Variants in DOK4 observed in about 807,000 individuals in gnomAD.
The protein encoded by DOK4 is docking protein 4.
A neutral mutation model predicts 40.1 loss-of-function variants in DOK4; 26 were observed. The ratio of observed to expected loss-of-function variants is 0.65; its 90% CI spans 0.48 to 0.90. DOK4 has a LOEUF of 0.90. DOK4 is among the 40% of genes least tolerant of loss of function. The probability of loss-of-function intolerance (pLI) is 0.00; values close to 1 mark genes in which losing one functional copy is unlikely to be tolerated. For synonymous variants in DOK4, 179 were observed against 177.0 expected (o/e 1.01, Z -0.09); for missense variants, 392 against 437.2 (o/e 0.90, Z 0.92).
chr16:57,474,276 T>C (rs964059048), intron 6 of DOK4, among the ~76,000 whole-genome samples: 1 of 152,226 alleles, frequency 6.6e-6, no homozygotes, highest in Admixed American at 6.5e-5. Flanking sequence ...CACCTCCCTC[T>C]GGTCTCTGTA....
At chr16:57,481,216 G>A (rs1257602816) in intron 1 of DOK4, among the ~76,000 whole-genome samples, 8 of 152,060 alleles carry the variant, frequency 5.3e-5, no homozygotes, top group African/African-American at 1.9e-4. Context: ...CTACCCCAGT[G>A]GGCACACGCA....
At chr16:57,476,031 C>A in intron 2 of DOK4, 74 bp from the exon 3 acceptor site, 1 of 1,313,636 alleles carries the variant, frequency 7.6e-7, no homozygotes, top group Non-Finnish European at 1.1e-6. Flanking sequence ...TGCAGCCACC[C>A]CTGCCTGCCA....
intron 6 of DOK4, among the ~76,000 whole-genome samples, chr16:57,474,495 A>AACCCAGACTCAG (rs1401752455): frequency 6.6e-6 from 1 of 152,164 alleles, no homozygotes; most frequent in Non-Finnish European, 1.5e-5. Flanking sequence ...TTATCCCCGA[A>AACCCAGACTCAG]ACCCAGACTC....
chr16:57,473,299 G>C, exon 9 of DOK4: 1 of 1,522,380 alleles, frequency 6.6e-7, no homozygotes, highest in Non-Finnish European at 8.8e-7. Context: ...ACAGCCCCCT[G>C]AGGCTGTCCA....
chr16:57,475,072 C>T (rs1429378217), intron 5 of DOK4, 28 bp downstream of exon 5: 1 of 1,608,836 alleles, frequency 6.2e-7, no homozygotes, highest in African/African-American at 1.3e-5. Context: ...TCCCCCTCCC[C>T]ACCCCCAGGG....
chr16:57,475,711 T>TC, intron 3 of DOK4, 91 bp from the exon 4 acceptor site: 1 of 365,320 alleles, frequency 2.7e-6, no homozygotes, highest in Non-Finnish European at 4.8e-6. Context: ...CCTCCCTCTC[T>TC]CCCCCCTCCT....
chr16:57,474,323 A>G (rs982675403), intron 6 of DOK4, among the ~76,000 whole-genome samples: 1 of 152,136 alleles, frequency 6.6e-6, no homozygotes, highest in Non-Finnish European at 1.5e-5. Flanking sequence ...CATTTTCCCA[A>G]ACCATTTTAT....
chr16:57,477,234 A>T (rs1045973765), intron 2 of DOK4, among the ~76,000 whole-genome samples: 4 of 152,036 alleles, frequency 2.6e-5, no homozygotes, highest in African/African-American at 9.7e-5. Flanking sequence ...CCATTTCAAG[A>T]TACCACTCAG....
intron 1 of DOK4, chr16:57,484,120 C>T (rs2031484178): frequency 6.6e-6 from 1 of 152,448 alleles, no homozygotes; most frequent in South Asian, 2.1e-4. Flanking sequence ...TGAGCACTCC[C>T]TCTCGCACAT....
intron 2 of DOK4, among the ~76,000 whole-genome samples, chr16:57,477,860 A>AG (rs1429598909): frequency 6.6e-6 from 1 of 152,134 alleles, no homozygotes; most frequent in Non-Finnish European, 1.5e-5. Flanking sequence ...CTGGCTTCAG[A>AG]GGGAAGAGAA....
rs745508207 is a variant in DOK4, at chr16:57,475,660, A to ATCTCTCTCTCTCTC, written c.175-54_175-41dup. On this transcript the variant is annotated intron_variant, in intron 3 of 8. Coordinates refer to ENST00000340099, the Ensembl canonical transcript of DOK4. ...ACAAGGGACTTAGCCAGGCCAGTGC[A>ATCTCTCTCTCTCTC]TCTCTCTCTCTCTCTCTCTCTCTCT... 5.6e-3 allele frequency: 2,660 copies of ATCTCTCTCTCTCTC among 475,186 alleles called. 40 individuals are homozygous for ATCTCTCTCTCTCTC. Among genetic ancestry groups the ATCTCTCTCTCTCTC allele is most frequent in the African/African-American group, 7.7e-3 (211 of 27,408 alleles). 29.4% of individuals were successfully genotyped at this position (475,186 alleles called of 1,614,324 possible). A position where few individuals can be genotyped will look rare whatever the true frequency, so the allele number is the denominator to read the frequency against.
chr16:57,475,278 C>T (rs1241047858), intron 4 of DOK4, 59 bp from the exon 5 acceptor site: 3 of 1,581,420 alleles, frequency 1.9e-6, no homozygotes, highest in Admixed American at 3.4e-5. Context: ...CCCCGTCTGC[C>T]CAGCCTGACT....
Position 57,475,959 on chromosome 16 carries a change from T to G in DOK4, c.67-2A>C. The G allele has an allele frequency of 6.2e-7, 1 of 1,611,522 alleles. No individual in the cohort carries two copies. The highest frequency in any genetic ancestry group is 8.5e-7 in the Non-Finnish European group (1 of 1,178,912). On this transcript the variant is annotated splice_acceptor_variant, in intron 2 of 8. Coordinates refer to ENST00000340099, the Ensembl canonical transcript of DOK4. LOFTEE classifies it high-confidence loss of function. ...CACCAGCCAGCACCTCCGGTAGATCTGTGGAGCGAGATGACAGGGCTCAGG... is the reference window on the plus strand; with the variant it reads ...CACCAGCCAGCACCTCCGGTAGATCGGTGGAGCGAGATGACAGGGCTCAGG...
intron 8 of DOK4, 38 bp downstream of exon 8, chr16:57,473,575 C>A (rs1202040248): frequency 4.3e-6 from 7 of 1,614,102 alleles, no homozygotes; most frequent in Non-Finnish European, 5.9e-6. Context: ...TCCACAAAGC[C>A]TCCTGGCAGG....
chr16:57,480,997 C>T (rs2031391817), intron 1 of DOK4, among the ~76,000 whole-genome samples: 1 of 152,200 alleles, frequency 6.6e-6, no homozygotes, highest in Non-Finnish European at 1.5e-5. Flanking sequence ...TGCCATCCAT[C>T]CTCGGGGGCA....
intron 1 of DOK4, chr16:57,481,590 C>G (rs2031410146): frequency 6.6e-6 from 1 of 152,226 alleles, no homozygotes; most frequent in African/African-American, 2.4e-5. Context: ...AGCAGGCTGA[C>G]CACTGGCTGT....
Position 57,479,061 on chromosome 16 carries a change from C to T in DOK4, c.66+381G>A, listed in dbSNP as rs2031309146. ...GGGGGCAAACGGAAGGGAGAGGAGG[C>T]CAGGGGAAGTGAGACGCTGCTTCTC... On this transcript the variant is annotated intron_variant, in intron 2 of 8. Coordinates refer to ENST00000340099, the Ensembl canonical transcript of DOK4. This position sits in a 1 kb window ranked among gnomAD's most constrained non-coding sequence, Gnocchi z 5.8. Among the ~76,000 whole-genome samples the T allele has an allele frequency of 6.6e-6, 1 of 152,148 alleles. No individual in the cohort carries two copies. The highest frequency in any genetic ancestry group is 1.5e-5 in the Non-Finnish European group (1 of 68,014).
exon 9 of DOK4, chr16:57,472,708 C>G (rs189037806): frequency 6.6e-6 from 1 of 152,476 alleles, no homozygotes; most frequent in Non-Finnish European, 1.5e-5. Context: ...CAGGAAGGAG[C>G]CTGTGCAGAA....
In DOK4 at chr16:57,479,041, C is replaced by T; in HGVS notation, c.66+401G>A. Reference sequence around the variant, plus strand: ...GTGAGGGGAGGCCGGGGGTGGGGGGCAAACGGAAGGGAGAGGAGGCCAGGG... The same window carrying T: ...GTGAGGGGAGGCCGGGGGTGGGGGGTAAACGGAAGGGAGAGGAGGCCAGGG... On this transcript the variant is annotated intron_variant, in intron 2 of 8. Transcript: ENST00000340099. This position sits in a 1 kb window ranked among gnomAD's most constrained non-coding sequence, Gnocchi z 5.8. Among the ~76,000 whole-genome samples the T allele has an allele frequency of 6.6e-6, 1 of 152,042 alleles. No homozygotes were observed. Among genetic ancestry groups the T allele is most frequent in the East Asian group, 1.9e-4 (1 of 5,196 alleles).
Sources: allele counts gnomAD v4.1 joint callset (sites outside exome capture counted in the v4.1 genomes callset), GRCh38; gene constraint gnomAD v4.1.1; non-coding constraint Gnocchi (gnomAD v3.1); transcripts MANE v1.5; gene names NCBI Gene and HGNC (gene_info 2026-07-23, HGNC 2026-07-21).